The following LRP1B variants were observed in gnomAD, a reference collection of about 807,000 sequenced individuals.
LRP1B encodes the protein LDL receptor related protein 1B.
Under a neutral mutation model 556.6 loss-of-function variants are expected in LRP1B, and 217 were observed. The ratio of observed to expected loss-of-function variants is 0.39; its 90% CI spans 0.35 to 0.44. The LOEUF is 0.44. LRP1B is among the 20% of genes least tolerant of loss of function. LRP1B has a pLI of 1.00. For missense variants in LRP1B, 5,053 were observed against 5,620.8 expected (o/e 0.90, Z 3.23); for synonymous variants, 2,047 against 1,865.8 (o/e 1.10, Z -2.50).
intron 7 of LRP1B, among the ~76,000 whole-genome samples, chr2:141,095,124 GCA>G (rs1700265131): frequency 6.6e-6 from 1 of 152,016 alleles, no homozygotes; most frequent in Admixed American, 6.5e-5. Flanking sequence ...ACAGCAAGAA[GCA>G]CCTCACTAGA....
At chr2:141,591,363 G>GTT (rs71391662) in intron 2 of LRP1B, among the ~76,000 whole-genome samples, 1,622 of 138,984 alleles carry the variant, frequency 0.012, 15 homozygotes, top group Middle Eastern at 0.026. Flanking sequence ...TTGTTTGTTT[G>GTT]TTTTTTTTTT....
chr2:140,886,550 G>A (rs185041138), intron 23 of LRP1B, among the ~76,000 whole-genome samples: 8 of 151,786 alleles, frequency 5.3e-5, no homozygotes, highest in Admixed American at 3.3e-4. Context: ...TTATTCCTTG[G>A]ATTTACATAT....
At chr2:141,445,037 G>C (rs1681134252) in intron 3 of LRP1B, among the ~76,000 whole-genome samples, 1 of 152,116 alleles carries the variant, frequency 6.6e-6, no homozygotes, top group African/African-American at 2.4e-5. Context: ...GTAGAATTTG[G>C]CTGTGAATCT....
At chr2:141,264,375 C>A (rs1323996114) in intron 3 of LRP1B, among the ~76,000 whole-genome samples, 1 of 152,140 alleles carries the variant, frequency 6.6e-6, no homozygotes, top group African/African-American at 2.4e-5. Context: ...TATAATTTAG[C>A]TGTAATAAGG....
chr2:141,418,381 T>C lies in LRP1B; in HGVS notation c.343+62015A>G, dbSNP rs549190098. On this transcript the variant is annotated intron_variant, in intron 3 of 90. Coordinates refer to ENST00000389484, the MANE Select transcript of LRP1B (RefSeq NM_018557.3). ...TTACATTTCAGAGCTTACATTTAAG[T>C]CTTTCATCCATTTGGAGTTGATTTT... 1.2e-4 allele frequency among the ~76,000 whole-genome samples: 19 copies of C among 152,280 alleles called. 1 individual carries two copies. The highest frequency in any genetic ancestry group is 9.8e-4 in the Admixed American group (15 of 15,302).
intron 32 of LRP1B, among the ~76,000 whole-genome samples, chr2:140,788,241 A>G (rs1689978002): frequency 6.6e-6 from 1 of 152,236 alleles, no homozygotes; most frequent in African/African-American, 2.4e-5. Context: ...ACAACAAAAA[A>G]CTAAAACTTA....
intron 37 of LRP1B, among the ~76,000 whole-genome samples, chr2:140,715,485 T>C (rs544815639): frequency 6.6e-6 from 1 of 151,972 alleles, no homozygotes; most frequent in African/African-American, 2.4e-5. Context: ...GATGAAAATG[T>C]CAAAACAGTT....
chr2:141,749,756 G>A (rs751464938), intron 2 of LRP1B, among the ~76,000 whole-genome samples: 2 of 152,106 alleles, frequency 1.3e-5, no homozygotes, highest in African/African-American at 4.8e-5. Context: ...ATATACATAT[G>A]TATGTAACAG....
chr2:141,470,261 A>G (rs1682411208), intron 3 of LRP1B, among the ~76,000 whole-genome samples: 1 of 152,222 alleles, frequency 6.6e-6, no homozygotes, highest in Admixed American at 6.5e-5. Flanking sequence ...TCAAAGAGTC[A>G]AAATGAACAG....
intron 3 of LRP1B, among the ~76,000 whole-genome samples, chr2:141,418,877 T>C (rs899921374): frequency 6.6e-6 from 1 of 151,854 alleles, no homozygotes; most frequent in Non-Finnish European, 1.5e-5. Flanking sequence ...ACATAGGAGG[T>C]CTTTCCATTA....
intron 6 of LRP1B, among the ~76,000 whole-genome samples, chr2:141,215,090 G>A (rs977837805): frequency 1.4e-4 from 21 of 152,276 alleles, no homozygotes; most frequent in African/African-American, 4.3e-4. Flanking sequence ...GGTTATGGGG[G>A]TAGATCCCTT....
chr2:140,910,561 T>A (rs1694390376), intron 21 of LRP1B, among the ~76,000 whole-genome samples: 2 of 151,792 alleles, frequency 1.3e-5, no homozygotes, highest in Non-Finnish European at 3.0e-5. Context: ...TTTAATCATA[T>A]TTTCAAAAAT....
intron 3 of LRP1B, among the ~76,000 whole-genome samples, chr2:141,431,598 G>A (rs1267893201): frequency 6.6e-6 from 1 of 152,134 alleles, no homozygotes; most frequent in African/African-American, 2.4e-5. Context: ...TAAACAATAG[G>A]AAGTCTGTTA....
chr2:141,219,058 T>G lies in LRP1B; in HGVS notation c.850+10125A>C, dbSNP rs1009569927. On this transcript the variant is annotated intron_variant, in intron 6 of 90. Coordinates refer to ENST00000389484, the MANE Select transcript of LRP1B (RefSeq NM_018557.3). ...TGCCCTGCCTGGGAAACCGCATTCT[T>G]TCTTCAGATCTGTACATCCTGTGGA... Among the ~76,000 whole-genome samples the G allele has an allele frequency of 1.1e-4, 17 of 152,282 alleles. 1 individual carries two copies. The East Asian group carries it at 3.3e-3, about 30-fold the overall frequency.
intron 77 of LRP1B, among the ~76,000 whole-genome samples, chr2:140,347,045 T>A (rs1268614970): frequency 6.6e-6 from 1 of 151,940 alleles, no homozygotes; most frequent in Admixed American, 6.6e-5. Context: ...GTGGTAAAAA[T>A]TTAATCTGTA....
rs1429668019 is a variant in LRP1B at position 141,392,609 on chromosome 2, G to A, written c.343+87787C>T. Among the ~76,000 whole-genome samples the A allele has an allele frequency of 5.3e-5, 8 of 152,220 alleles. No homozygotes were observed. The South Asian group carries it at 1.7e-3, about 32-fold the overall frequency. On this transcript the variant is annotated intron_variant, in intron 3 of 90. Coordinates refer to ENST00000389484, the MANE Select transcript of LRP1B (RefSeq NM_018557.3). Reference sequence around the variant, plus strand: ...TAATGACACGAAGAATGTAGAATCTGCTGGAAGCCAAGTGGAGCAGGAAAC... The same window carrying A: ...TAATGACACGAAGAATGTAGAATCTACTGGAAGCCAAGTGGAGCAGGAAAC...
chr2:140,876,260 G>C (rs1348230812), intron 25 of LRP1B, among the ~76,000 whole-genome samples: 1 of 152,092 alleles, frequency 6.6e-6, no homozygotes, highest in East Asian at 1.9e-4. Flanking sequence ...GAGAAACTTT[G>C]CTTTGAGCTA....
At chr2:141,895,460 CTTAT>C (rs1699424727) in intron 1 of LRP1B, among the ~76,000 whole-genome samples, 1 of 152,104 alleles carries the variant, frequency 6.6e-6, no homozygotes, top group Non-Finnish European at 1.5e-5. Flanking sequence ...ATTTGGTTTA[CTTAT>C]TTGTGAATTT....
chr2:140,734,615 C>T (rs570837146), intron 35 of LRP1B, among the ~76,000 whole-genome samples: 2 of 152,254 alleles, frequency 1.3e-5, no homozygotes, highest in East Asian at 3.9e-4. Context: ...CCCAGAACAG[C>T]CCTTAGTACT....
Sources: gnomAD v4.1 joint callset for allele counts (sites outside exome capture counted in the v4.1 genomes callset) on GRCh38, gnomAD v4.1.1 for gene constraint, MANE v1.5 for transcripts, NCBI Gene and HGNC (gene_info 2026-07-23, HGNC 2026-07-21) for gene names.